The following SRD5A2 variants were observed in gnomAD, a reference collection of about 807,000 sequenced individuals.
SRD5A2 encodes the protein 3-oxo-5-alpha-steroid 4-dehydrogenase 2.
Under a neutral mutation model 27.4 loss-of-function variants are expected in SRD5A2, and 30 were observed. That is an observed-to-expected ratio of 1.10 (90% CI 0.82 to 1.49). The LOEUF (loss-of-function observed/expected upper bound fraction) is 1.49. Ranked by LOEUF, SRD5A2 falls within the 40% of genes most tolerant of loss-of-function variation. SRD5A2 has a pLI of 0.00. For synonymous variants in SRD5A2, 141 were observed against 133.6 expected, an observed-to-expected ratio of 1.06 and a Z score of -0.38; for missense variants, 348 against 323.4, an observed-to-expected ratio of 1.08 and a Z score of -0.58.
At chr2:31,649,027 C>T in the SRD5A2 span, among the ~76,000 whole-genome samples, 1 of 152,294 alleles carries the variant, frequency 6.6e-6, no homozygotes, top group African/African-American at 2.4e-5. Flanking sequence ...TTCATGCCCT[C>T]TAAATTATCA....
At chr2:31,625,248 T>A in the SRD5A2 span, among the ~76,000 whole-genome samples, 2 of 152,220 alleles carry the variant, frequency 1.3e-5, no homozygotes, top group Admixed American at 1.3e-4. Flanking sequence ...TCTTTGTAGA[T>A]TCTGGATATT....
chr2:31,636,471 C>A, the SRD5A2 span, among the ~76,000 whole-genome samples: 3 of 152,240 alleles, frequency 2.0e-5, no homozygotes, highest in African/African-American at 7.2e-5. Flanking sequence ...CCCTTTATTT[C>A]TTTCTCTTGT....
intron 2 of SRD5A2, 125 bp downstream of exon 2, chr2:31,533,478 A>G (rs1644367343): frequency 1.2e-6 from 1 of 820,636 alleles, no homozygotes; most frequent in Non-Finnish European, 2.0e-6. Flanking sequence ...AGATCAGGGT[A>G]GAGGTGAGGG....
intron 1 of SRD5A2, among the ~76,000 whole-genome samples, chr2:31,555,623 G>A (rs1666479348): frequency 6.6e-6 from 1 of 152,172 alleles, no homozygotes; most frequent in Admixed American, 6.6e-5. Flanking sequence ...GGTCCTGATA[G>A]TATCTTTGGA....
At chr2:31,617,730 C>T in the SRD5A2 span, among the ~76,000 whole-genome samples, 1 of 152,216 alleles carries the variant, frequency 6.6e-6, no homozygotes, top group African/African-American at 2.4e-5. Flanking sequence ...TATTCCAGTT[C>T]CCAACAAGCT....
At chr2:31,600,452 A>G in the SRD5A2 span, among the ~76,000 whole-genome samples, 1 of 152,010 alleles carries the variant, frequency 6.6e-6, no homozygotes, top group East Asian at 1.9e-4. Flanking sequence ...CATTCCCATC[A>G]TCATTGTAAA....
intron 1 of SRD5A2, among the ~76,000 whole-genome samples, chr2:31,572,367 G>A (rs1189879394): frequency 6.6e-6 from 1 of 152,162 alleles, no homozygotes; most frequent in Non-Finnish European, 1.5e-5. Flanking sequence ...GCTTATTACT[G>A]GGGTGATGAA....
the SRD5A2 span, among the ~76,000 whole-genome samples, chr2:31,603,598 G>T: frequency 6.6e-6 from 1 of 151,854 alleles, no homozygotes; most frequent in East Asian, 1.9e-4. Flanking sequence ...GCATGTGTAT[G>T]TACATTGCAG....
At chr2:31,591,665 C>T in the SRD5A2 span, among the ~76,000 whole-genome samples, 103,355 of 149,254 alleles carry the variant, frequency 0.69, 36,051 homozygotes, top group African/African-American at 0.72. Flanking sequence ...CTATTCACAA[C>T]AGTGAAGACT....
chr2:31,590,205 A>C, the SRD5A2 span, among the ~76,000 whole-genome samples: 2 of 138,904 alleles, frequency 1.4e-5, no homozygotes, highest in African/African-American at 2.7e-5. Flanking sequence ...TGGCAGCTGA[A>C]AACAAAAGAC....
chr2:31,611,690 A>G, the SRD5A2 span, among the ~76,000 whole-genome samples: 1 of 152,120 alleles, frequency 6.6e-6, no homozygotes, highest in Non-Finnish European at 1.5e-5. Context: ...ATGCAGTAAA[A>G]CCCTCATATA....
intron 1 of SRD5A2, among the ~76,000 whole-genome samples, chr2:31,564,772 A>G (rs777509501): frequency 6.6e-6 from 1 of 152,014 alleles, no homozygotes; most frequent in African/African-American, 2.4e-5. Context: ...GCAGCTGTCA[A>G]TCTGGATTGC....
the SRD5A2 span, among the ~76,000 whole-genome samples, chr2:31,641,516 A>G: frequency 6.6e-6 from 1 of 152,216 alleles, no homozygotes; most frequent in Admixed American, 6.5e-5. Flanking sequence ...AATGTTATAC[A>G]AGACATAAAC....
At chr2:31,560,115 G>A (rs1193140534) in intron 1 of SRD5A2, among the ~76,000 whole-genome samples, 1 of 148,826 alleles carries the variant, frequency 6.7e-6, no homozygotes, top group African/African-American at 2.5e-5. Flanking sequence ...ATTTTAGGTA[G>A]GTGAGAGGAC....
chr2:31,549,809 C>T (rs1666347793), intron 1 of SRD5A2, among the ~76,000 whole-genome samples: 1 of 152,026 alleles, frequency 6.6e-6, no homozygotes, highest in Admixed American at 6.5e-5. Context: ...ATTTCTAAAC[C>T]ATAGATAGGA....
At chr2:31,557,061 A>G (rs1308076462) in intron 1 of SRD5A2, among the ~76,000 whole-genome samples, 2 of 152,216 alleles carry the variant, frequency 1.3e-5, no homozygotes, top group African/African-American at 4.8e-5. Context: ...CATAATTATG[A>G]GATATCAGAG....
At chr2:31,598,710 C>G in the SRD5A2 span, among the ~76,000 whole-genome samples, 1 of 150,810 alleles carries the variant, frequency 6.6e-6, no homozygotes, top group East Asian at 1.9e-4. Context: ...AATCATATCA[C>G]CAGAGAAAAT....
intron 1 of SRD5A2, among the ~76,000 whole-genome samples, chr2:31,568,963 A>G (rs955472058): frequency 6.6e-6 from 1 of 152,234 alleles, no homozygotes; most frequent in Admixed American, 6.5e-5. Context: ...TAGAGTGGGA[A>G]GAGGCCAAGG....
At chr2:31,599,467 C>G in the SRD5A2 span, among the ~76,000 whole-genome samples, 5 of 151,880 alleles carry the variant, frequency 3.3e-5, no homozygotes, top group Admixed American at 2.0e-4. Context: ...TTTTCTCTGA[C>G]CACAATGTAA....
Sources: gnomAD v4.1 joint callset for allele counts (sites outside exome capture counted in the v4.1 genomes callset) on GRCh38, gnomAD v4.1.1 for gene constraint, MANE v1.5 for transcripts, NCBI Gene and HGNC (gene_info 2026-07-23, HGNC 2026-07-21) for gene names.